CLCN3: variants seen among roughly 807,000 people sequenced by gnomAD.
The protein encoded by CLCN3 is Cl-/H+ antiporter 3.
A neutral mutation model predicts 83.4 loss-of-function variants in CLCN3; 16 were observed. The observed-to-expected ratio is 0.19, with a 90% confidence interval of 0.13 to 0.29. The LOEUF (loss-of-function observed/expected upper bound fraction) is 0.29. Ranked by LOEUF, CLCN3 falls within the 10% of genes least tolerant of loss-of-function variation. The probability of loss-of-function intolerance (pLI) is 1.00; values close to 1 mark genes in which losing one functional copy is unlikely to be tolerated. For synonymous variants in CLCN3, 322 were observed against 346.2 expected, an observed-to-expected ratio of 0.93 and a Z score of 0.78; for missense variants, 544 against 1,006.0, an observed-to-expected ratio of 0.54 and a Z score of 6.21.
chr4:169,665,679 G>A (rs533200368), intron 2 of CLCN3, among the ~76,000 whole-genome samples: 1 of 151,806 alleles, frequency 6.6e-6, no homozygotes, highest in East Asian at 1.9e-4. Flanking sequence ...GGAATACATA[G>A]TATTTTGGAT....
At chr4:169,710,358 T>C (rs564127929) in intron 11 of CLCN3, among the ~76,000 whole-genome samples, 2 of 152,306 alleles carry the variant, frequency 1.3e-5, no homozygotes, top group East Asian at 1.9e-4. Context: ...TCGACTTCCC[T>C]GGCATCCGGT....
intron 1 of CLCN3, among the ~76,000 whole-genome samples, chr4:169,634,103 A>T (rs1258573365): frequency 6.6e-6 from 1 of 152,140 alleles, no homozygotes; most frequent in Admixed American, 6.5e-5. Context: ...TATGAAATTA[A>T]TTTTTTTAAC....
At chr4:169,677,687 C>T (rs970557657) in intron 2 of CLCN3, among the ~76,000 whole-genome samples, 16 of 152,196 alleles carry the variant, frequency 1.1e-4, no homozygotes, top group African/African-American at 2.7e-4. Context: ...TGTTAGCTTT[C>T]GCCTTCCCAA....
Position 169,660,364 on chromosome 4 carries a change from C to A in CLCN3, c.161-19686C>A, listed in dbSNP as rs1019186622. 4.3e-6 allele frequency: 6 copies of A among 1,394,458 alleles called. No individual in the cohort carries two copies. The African/African-American group carries it at 7.5e-5, about 17-fold the overall frequency. 86.4% of individuals were successfully genotyped at this position (1,394,458 alleles called of 1,614,324 possible). Reference sequence around the variant, plus strand: ...CTTTTTCTTCTTCTATTTAAAAATTCTAATCATGGATGCTTCTTCCGACCC... The same window carrying A: ...CTTTTTCTTCTTCTATTTAAAAATTATAATCATGGATGCTTCTTCCGACCC... On this transcript the variant is annotated intron_variant, in intron 2 of 12. Coordinates refer to ENST00000513761, the MANE Select transcript of CLCN3 (RefSeq NM_001829.4).
At chr4:169,637,919 GTTTCTGGAC>G (rs1157287050) in intron 2 of CLCN3, among the ~76,000 whole-genome samples, 1 of 151,946 alleles carries the variant, frequency 6.6e-6, no homozygotes, top group East Asian at 1.9e-4. Flanking sequence ...TTGTAGATCT[GTTTCTGGAC>G]TTTCTACTGT....
intron 1 of CLCN3, among the ~76,000 whole-genome samples, chr4:169,630,429 C>CA (rs1773339816): frequency 6.6e-6 from 1 of 152,200 alleles, no homozygotes; most frequent in East Asian, 1.9e-4. Flanking sequence ...TAATGGTCTC[C>CA]AGCAGCATCC....
intron 1 of CLCN3, among the ~76,000 whole-genome samples, chr4:169,630,274 T>G (rs924742577): frequency 6.6e-6 from 1 of 152,232 alleles, no homozygotes; most frequent in Non-Finnish European, 1.5e-5. Flanking sequence ...CAGCCCTTGC[T>G]TCCTTCCCTA....
At chr4:169,626,024 A>G (rs1419664455) in intron 1 of CLCN3, among the ~76,000 whole-genome samples, 1 of 152,176 alleles carries the variant, frequency 6.6e-6, no homozygotes, top group Non-Finnish European at 1.5e-5. Context: ...AGTTCCCAAA[A>G]GACTTCCCCC....
At chr4:169,645,089 C>T (rs1730535676) in intron 2 of CLCN3, among the ~76,000 whole-genome samples, 1 of 152,114 alleles carries the variant, frequency 6.6e-6, no homozygotes, top group African/African-American at 2.4e-5. Context: ...CAGTGTGTTA[C>T]GATAACAGTA....
intron 11 of CLCN3, among the ~76,000 whole-genome samples, chr4:169,712,768 A>G (rs1381017892): frequency 6.6e-6 from 1 of 152,226 alleles, no homozygotes; most frequent in Non-Finnish European, 1.5e-5. Context: ...CCCGTATTCC[A>G]AACCCACTTC....
chr4:169,622,459 C>G (rs980158472), intron 1 of CLCN3, among the ~76,000 whole-genome samples: 3 of 152,096 alleles, frequency 2.0e-5, no homozygotes, highest in African/African-American at 4.8e-5. Context: ...AAAGCAGTAT[C>G]CTGTGGGGTT....
chr4:169,675,814 A>C (rs1014994160), intron 2 of CLCN3, among the ~76,000 whole-genome samples: 1 of 152,106 alleles, frequency 6.6e-6, no homozygotes, highest in Non-Finnish European at 1.5e-5. Flanking sequence ...TTTAAAGGAG[A>C]CTTGTCTAAA....
At position 169,687,319 on chromosome 4, in the gene CLCN3, A is replaced by C. The variant is rs1192952669; in HGVS notation, c.319-339A>C. Reference sequence around the variant, plus strand: ...ATCTTGGCTGGGCACGGTGGCTCACACCTGTAATCCCAGCACTTTGGGAGC... The same window carrying C: ...ATCTTGGCTGGGCACGGTGGCTCACCCCTGTAATCCCAGCACTTTGGGAGC... On this transcript the variant is annotated intron_variant, in intron 3 of 12. Transcript: ENST00000513761. Among the ~76,000 whole-genome samples the C allele has an allele frequency of 2.0e-5, 3 of 152,126 alleles. No individual in the cohort carries two copies. In the East Asian group the frequency reaches 5.8e-4, roughly 29 times the overall value.
At chr4:169,718,019 C>A in intron 12 of CLCN3, 1 of 531,958 alleles carries the variant, frequency 1.9e-6, no homozygotes, top group Non-Finnish European at 3.4e-6. Flanking sequence ...TAAAATGTGT[C>A]TGTAAGATAA....
chr4:169,672,073 G>A (rs111859532), intron 2 of CLCN3, among the ~76,000 whole-genome samples: 13,839 of 151,956 alleles, frequency 0.091, 652 homozygotes, highest in African/African-American at 0.12. Flanking sequence ...TTAGCCGGGC[G>A]TGGTGGTGGG....
intron 2 of CLCN3, chr4:169,663,651 C>A: frequency 2.3e-6 from 1 of 428,578 alleles, no homozygotes; most frequent in Non-Finnish European, 4.7e-6. Context: ...GTTCTAAGTG[C>A]TTTATGTGTA....
chr4:169,706,835 C>T, intron 10 of CLCN3, 33 bp from the exon 11 acceptor site: 1 of 1,572,240 alleles, frequency 6.4e-7, no homozygotes, highest in Non-Finnish European at 8.7e-7. Flanking sequence ...AGGATCCTGT[C>T]CTTCCTGACC....
chr4:169,644,022 G>A (rs1730499143), intron 2 of CLCN3, among the ~76,000 whole-genome samples: 1 of 152,126 alleles, frequency 6.6e-6, no homozygotes, highest in African/African-American at 2.4e-5. Context: ...AAAATGTTCA[G>A]CCCACAACTC....
chr4:169,717,779 TAATC>T (rs1733481077), intron 12 of CLCN3: 10 of 1,560,196 alleles, frequency 6.4e-6, no homozygotes, highest in Non-Finnish European at 8.8e-6. Context: ...ATTAGCATAA[TAATC>T]TGTTTCAGGA....
Sources: allele counts gnomAD v4.1 joint callset (sites outside exome capture counted in the v4.1 genomes callset), GRCh38; gene constraint gnomAD v4.1.1; transcripts MANE v1.5; gene names NCBI Gene and HGNC (gene_info 2026-07-23, HGNC 2026-07-21).